Variants in SOAT1 observed in about 807,000 individuals in gnomAD.
SOAT1 encodes the protein sterol O-acyltransferase 1.
SOAT1 carries 55 observed loss-of-function variants against 69.5 expected under a neutral mutation model. That is an observed-to-expected ratio of 0.79 (90% CI 0.64 to 0.99). SOAT1 has a LOEUF of 0.99. Among genes scored for constraint, SOAT1 ranks in the 50% least tolerant of loss-of-function variants. The pLI, the probability that SOAT1 is intolerant of heterozygous loss-of-function variation, is 0.00. For missense variants in SOAT1, 580 were observed against 669.3 expected (o/e 0.87, Z 1.47); for synonymous variants, 231 against 224.7 (o/e 1.03, Z -0.25).
intron 2 of SOAT1, among the ~76,000 whole-genome samples, chr1:179,310,184 GCCA>G (rs1665173428): frequency 6.7e-6 from 1 of 148,600 alleles, no homozygotes; most frequent in Non-Finnish European, 1.5e-5. Flanking sequence ...ACAGGCATGA[GCCA>G]CCACGCCTGG....
chr1:179,315,764 T>C (rs1050844107), intron 2 of SOAT1, among the ~76,000 whole-genome samples: 2 of 152,222 alleles, frequency 1.3e-5, no homozygotes, highest in Non-Finnish European at 2.9e-5. Flanking sequence ...TATTTATGGA[T>C]AGACAGATTC....
chr1:179,316,668 C>T (rs930381065), intron 2 of SOAT1, among the ~76,000 whole-genome samples: 3 of 152,222 alleles, frequency 2.0e-5, no homozygotes, highest in African/African-American at 7.2e-5. Context: ...GCTGGGATTA[C>T]AGGCGTGAGC....
intron 2 of SOAT1, among the ~76,000 whole-genome samples, chr1:179,307,833 C>T (rs1488473214): frequency 6.6e-6 from 1 of 151,268 alleles, no homozygotes; most frequent in African/African-American, 2.4e-5. Context: ...CTCTTGTTGC[C>T]CAGGCTGGAG....
chr1:179,354,778 A>T lies in SOAT1; in HGVS notation c.*1137A>T, dbSNP rs1260796038. On this transcript the variant is annotated 3_prime_UTR_variant, in exon 16 of 16. Coordinates refer to ENST00000367619, the MANE Select transcript of SOAT1 (RefSeq NM_003101.6). ...TTATGTAATACTTCCATTTTATAAG[A>T]TGCCCATTTCTAATACAATGTGTGT... The T allele has an allele frequency of 6.6e-6, 1 of 152,174 alleles. No individual in the cohort carries two copies. Among genetic ancestry groups the T allele is most frequent in the Non-Finnish European group, 1.5e-5 (1 of 68,034 alleles). The allele number at this position is 152,174 out of a possible 1,614,324, so 9.4% of individuals were successfully genotyped here.
At chr1:179,334,535 T>C (rs529013323) in intron 3 of SOAT1, among the ~76,000 whole-genome samples, 3 of 152,126 alleles carry the variant, frequency 2.0e-5, no homozygotes, top group South Asian at 2.1e-4. Flanking sequence ...TGAGTAAATA[T>C]GGCTTTTTTT....
chr1:179,333,626 A>C (rs558014846), intron 3 of SOAT1, among the ~76,000 whole-genome samples: 1 of 152,116 alleles, frequency 6.6e-6, no homozygotes, highest in South Asian at 2.1e-4. Flanking sequence ...GAATCACCTG[A>C]GGTTCGAGAC....
In SOAT1 at chr1:179,335,583, A is replaced by G. The variant is rs764380345; in HGVS notation, c.255A>G (p.Ala85=). 3 of 1,614,010 alleles carry G rather than the reference A, an allele frequency of 1.9e-6. No individual in the cohort carries two copies. The highest frequency in any genetic ancestry group is 2.5e-6 in the Non-Finnish European group (3 of 1,179,876). ...DFVTNLIEKS[A]SLDNGGCALT... ...TGACCAATCTCATTGAAAAGTCAGC[A>G]TCATTAGATAATGGTGGGTGCGCTC... The change falls in exon 4 of 16, where the codon GCA becomes GCG. Residue 85 remains alanine (A), a synonymous_variant. Coordinates refer to ENST00000367619, the MANE Select transcript of SOAT1 (RefSeq NM_003101.6).
Position 179,302,727 on chromosome 1 carries a change from A to G in SOAT1, c.43A>G (p.Lys15Glu). The G allele has an allele frequency of 6.2e-7, 1 of 1,610,808 alleles. No individual in the cohort carries two copies. The highest frequency in any genetic ancestry group is 8.5e-7 in the Non-Finnish European group (1 of 1,179,162). The stretch of plus-strand genomic sequence containing the variant: ...GATGTCTCTAAGAAACCGGCTGTCA[A>G]AGTCCAGGGAAAATCCTGAGGAAGA... ...EKMSLRNRLSKSRENPEEDED... is the reference protein window; with the variant it reads ...EKMSLRNRLSESRENPEEDED... Residue 15 changes from lysine to glutamate, a missense_variant, in exon 2 of 16, where the codon AAG (lysine) becomes GAG (glutamate). Physicochemically the swap from Lys to Glu is moderately conservative, Grantham distance 56. Coordinates refer to ENST00000367619, the MANE Select transcript of SOAT1 (RefSeq NM_003101.6).
intron 2 of SOAT1, among the ~76,000 whole-genome samples, chr1:179,307,339 G>A (rs1665042436): frequency 6.6e-6 from 1 of 152,196 alleles, no homozygotes; most frequent in Non-Finnish European, 1.5e-5. Context: ...TCTAGAAGAG[G>A]AGAGCAAAAC....
intron 12 of SOAT1, 42 bp downstream of exon 12, chr1:179,347,739 A>T (rs747900116): frequency 8.9e-7 from 1 of 1,128,750 alleles, no homozygotes; most frequent in African/African-American, 1.6e-5. Flanking sequence ...ACATTTTATT[A>T]ACTTCTTCAT....
Position 179,345,093 on chromosome 1 carries a change from T to C in SOAT1, c.1117+17T>C, listed in dbSNP as rs773178285. The C allele has an allele frequency of 6.2e-7, 1 of 1,612,402 alleles. No individual in the cohort carries two copies. Among genetic ancestry groups the C allele is most frequent in the Non-Finnish European group, 8.5e-7 (1 of 1,178,880 alleles). On this transcript the variant is annotated intron_variant, in intron 11 of 15. Coordinates refer to ENST00000367619, the MANE Select transcript of SOAT1 (RefSeq NM_003101.6). The stretch of plus-strand genomic sequence containing the variant: ...TCTTGCCAGGTAACATGGGTACTTG[T>C]TAATTTGGTCATGCATAAATTCACG...
chr1:179,352,093 A>C, intron 15 of SOAT1, among the ~76,000 whole-genome samples: 1 of 148,990 alleles, frequency 6.7e-6, no homozygotes, highest in Admixed American at 6.7e-5. Flanking sequence ...TTTTTTTTAA[A>C]CCTCTTTCTT....
intron 14 of SOAT1, among the ~76,000 whole-genome samples, chr1:179,351,017 C>CTTTTTTT (rs1558060562): frequency 8.6e-4 from 12 of 13,940 alleles, no homozygotes; most frequent in African/African-American, 3.1e-3. Flanking sequence ...CTGTATATTT[C>CTTTTTTT]TTTCTTTTTT....
At chr1:179,306,772 A>G (rs1253807397) in intron 2 of SOAT1, among the ~76,000 whole-genome samples, 2 of 140,586 alleles carry the variant, frequency 1.4e-5, no homozygotes, top group Non-Finnish European at 3.0e-5. Flanking sequence ...CGAAGCTTGC[A>G]GTGAGCTGAG....
chr1:179,327,273 A>AT (rs987150181), intron 3 of SOAT1, among the ~76,000 whole-genome samples: 10 of 151,970 alleles, frequency 6.6e-5, no homozygotes, highest in Admixed American at 4.6e-4. Flanking sequence ...TTTACAAATA[A>AT]TTTTTTTTAA....
chr1:179,341,619 C>T (rs1666342398), intron 7 of SOAT1, among the ~76,000 whole-genome samples: 1 of 151,922 alleles, frequency 6.6e-6, no homozygotes, highest in African/African-American at 2.4e-5. Context: ...ACTGCAACCC[C>T]TGCCTCCCAG....
At position 179,323,494 on chromosome 1, in the gene SOAT1, A is replaced by G; in HGVS notation, c.176A>G (p.Glu59Gly). 1 of 1,613,352 alleles carries G rather than the reference A, an allele frequency of 6.2e-7. No individual in the cohort carries two copies. The highest frequency in any genetic ancestry group is 8.5e-7 in the Non-Finnish European group (1 of 1,179,522). The change falls in exon 3 of 16, where the codon GAG (glutamate) becomes GGG (glycine). Residue 59 changes from glutamate (E) to glycine (G), a missense_variant and splice_region_variant. Coordinates refer to ENST00000367619, the MANE Select transcript of SOAT1 (RefSeq NM_003101.6). ...AAGATAAAGTTGACAGCAGAGGCAG[A>G]GGCAAGTAACTCCCTCTTCTAGAAA... ...AKKIKLTAEA[E>G]ELKPFFMKEV... is the part of the protein sequence containing the mutation.
In SOAT1 at chr1:179,299,128, C is replaced by A. The variant is rs766263074; in HGVS notation, c.-8-3549C>A. Among the ~76,000 whole-genome samples, 8 of 151,978 alleles carry A rather than the reference C, an allele frequency of 5.3e-5. No individual in the cohort carries two copies. The South Asian group carries it at 1.7e-3, about 32-fold the overall frequency. ...GACAGGATGCTCAGTGTAGTGGGAC[C>A]GCAGAGAGGATGAGATGAGAGGTGG... On this transcript the variant is annotated intron_variant, in intron 1 of 15. Coordinates refer to ENST00000367619, the MANE Select transcript of SOAT1 (RefSeq NM_003101.6).
At chr1:179,310,539 G>A (rs1056580547) in intron 2 of SOAT1, among the ~76,000 whole-genome samples, 6 of 152,064 alleles carry the variant, frequency 3.9e-5, no homozygotes, top group African/African-American at 7.2e-5. Context: ...AGCAATAGAC[G>A]ATTACAGATG....
Sources: allele counts gnomAD v4.1 joint callset (sites outside exome capture counted in the v4.1 genomes callset), GRCh38; gene constraint gnomAD v4.1.1; transcripts MANE v1.5; gene names NCBI Gene and HGNC (gene_info 2026-07-23, HGNC 2026-07-21).